The following ZNF536 variants were observed in gnomAD, a reference collection of about 807,000 sequenced individuals.
ZNF536 encodes zinc finger protein 536.
A neutral mutation model predicts 84.5 loss-of-function variants in ZNF536; 13 were observed. The ratio of observed to expected loss-of-function variants is 0.15; its 90% CI spans 0.10 to 0.24. The LOEUF (loss-of-function observed/expected upper bound fraction) is 0.24, where lower values mean the gene tolerates loss of function less well. Ranked by LOEUF, ZNF536 falls within the 10% of genes least tolerant of loss-of-function variation. The pLI is 1.00. For missense variants in ZNF536, 1,536 were observed against 1,747.5 expected (o/e 0.88, Z 2.16); for synonymous variants, 811 against 742.5 (o/e 1.09, Z -1.50).
intron 2 of ZNF536, among the ~76,000 whole-genome samples, chr19:30,484,486 T>G (rs914858916): frequency 3.3e-5 from 5 of 149,526 alleles, no homozygotes; most frequent in Admixed American, 3.3e-4. Flanking sequence ...TCTGCCCACC[T>G]TGGCCTCCCA....
At chr19:30,256,295 C>T (rs1599911112) in intron 1 of ZNF536, among the ~76,000 whole-genome samples, 1 of 152,274 alleles carries the variant, frequency 6.6e-6, no homozygotes, top group Admixed American at 6.5e-5. Context: ...ACGTCGTATG[C>T]GATTCCTCAT....
chr19:30,568,952 C>A (rs1032608674), intron 1 of ZNF536, among the ~76,000 whole-genome samples: 1 of 152,166 alleles, frequency 6.6e-6, no homozygotes, highest in Non-Finnish European at 1.5e-5. Context: ...CTCTCTGAGA[C>A]AATCCACCTA....
Position 30,434,190 on chromosome 19 carries a change from G to C in ZNF536, c.-2-9371G>C, listed in dbSNP as rs182286065. On this transcript the variant is annotated intron_variant, in intron 1 of 4. Coordinates refer to ENST00000355537, the MANE Select transcript of ZNF536 (RefSeq NM_014717.3). Reference sequence around the variant, plus strand: ...GAATAAGCCACCTGACTCTACAGGAGAATGTGGAATAATGTATCAGCCCTT... The same window carrying C: ...GAATAAGCCACCTGACTCTACAGGACAATGTGGAATAATGTATCAGCCCTT... Among the ~76,000 whole-genome samples, 11 of 152,346 alleles carry C rather than the reference G, an allele frequency of 7.2e-5. 1 individual carries two copies. The highest frequency in any genetic ancestry group is 5.2e-4 in the Admixed American group (8 of 15,302).
chr19:30,632,478 C>T lies in ZNF536; in HGVS notation c.170-78279C>T, dbSNP rs528851303. Among the ~76,000 whole-genome samples the T allele has an allele frequency of 2.1e-3, 316 of 152,168 alleles. 1 individual carries two copies. Among genetic ancestry groups the T allele is most frequent in the Non-Finnish European group, 3.1e-3 (210 of 67,994 alleles). On this transcript the variant is annotated intron_variant, in intron 1 of 1. Transcript: ENST00000592773. ...AAAATTAGCCAGGCATGGTGGCAGG[C>T]GCCTGTAATCCCAGCTACTCAGGAG...
At chr19:30,671,576 G>C (rs1348740559) in intron 1 of ZNF536, among the ~76,000 whole-genome samples, 3 of 152,112 alleles carry the variant, frequency 2.0e-5, no homozygotes, top group Admixed American at 1.3e-4. Context: ...AGGGGTGGAG[G>C]CCCCAGGTGC....
intron 2 of ZNF536, among the ~76,000 whole-genome samples, chr19:30,331,834 C>T (rs1049240642): frequency 2.6e-5 from 4 of 152,142 alleles, no homozygotes; most frequent in African/African-American, 4.8e-5. Context: ...TCCTCCCTGT[C>T]CCCTGCAGGG....
At chr19:30,226,397 C>CTT (rs576558345), upstream of ZNF536, among the ~76,000 whole-genome samples, 15 of 147,154 alleles carry the variant, frequency 1.0e-4, no homozygotes, top group Middle Eastern at 3.6e-3. This position sits in a 1 kb window ranked among gnomAD's most constrained non-coding sequence, Gnocchi z 4.6. Context: ...AATTTGCAAC[C>CTT]TTTTTTTTTT....
chr19:30,364,753 A>C (rs984465985), intron 3 of ZNF536, among the ~76,000 whole-genome samples: 2 of 152,336 alleles, frequency 1.3e-5, no homozygotes, highest in African/African-American at 4.8e-5. Flanking sequence ...GGTAACAGCA[A>C]AAAGTGATGA....
Position 30,246,578 on chromosome 19 carries a change from G to A in ZNF536, c.-190+17905G>A, listed in dbSNP as rs553381269. ...GCCTTGCCAGCTACACACTGCCCCC[G>A]TCCCCACCCCACAAGAGGTCTGGCA... On this transcript the variant is annotated intron_variant, in intron 1 of 5. Transcript: ENST00000585628. Among the ~76,000 whole-genome samples the A allele has an allele frequency of 1.3e-4, 20 of 152,128 alleles. No homozygotes were observed. In the South Asian group the frequency reaches 3.7e-3, roughly 28 times the overall value.
Position 30,680,017 on chromosome 19 carries a change from G to A in ZNF536, c.170-30740G>A, listed in dbSNP as rs73927155. Reference sequence around the variant, plus strand: ...CTGGGAAAAACCCAGGCCAGGGGAGGGAGGGAGGGGTAAGGGACACTGGAC... The same window carrying A: ...CTGGGAAAAACCCAGGCCAGGGGAGAGAGGGAGGGGTAAGGGACACTGGAC... On this transcript the variant is annotated intron_variant, in intron 1 of 1. Transcript: ENST00000592773. Among the ~76,000 whole-genome samples, 719 of 152,208 alleles carry A rather than the reference G, an allele frequency of 4.7e-3. 7 individuals carry two copies. Among genetic ancestry groups the A allele is most frequent in the African/African-American group, 0.017 (699 of 41,548 alleles).
upstream of ZNF536, among the ~76,000 whole-genome samples, chr19:30,369,414 G>A (rs189503402): frequency 7.2e-5 from 11 of 152,236 alleles, no homozygotes; most frequent in East Asian, 5.8e-4. Flanking sequence ...CACAGGGCTC[G>A]GATTTTCTTT....
At chr19:30,696,223 C>T (rs144426578) in intron 1 of ZNF536, among the ~76,000 whole-genome samples, 16 of 152,266 alleles carry the variant, frequency 1.1e-4, no homozygotes, top group Non-Finnish European at 2.2e-4. Context: ...TCTCCCCCAG[C>T]CCCCGCAATG....
At chr19:30,403,521 G>A (rs532097091) in intron 1 of ZNF536, among the ~76,000 whole-genome samples, 1 of 152,320 alleles carries the variant, frequency 6.6e-6, no homozygotes, top group East Asian at 1.9e-4. Context: ...AGAATTTGAA[G>A]TCTACAGGGG....
Position 30,534,938 on chromosome 19 carries a change from G to A in ZNF536, c.2262G>A (p.Pro754=), listed in dbSNP as rs114150736. 354 of 1,613,856 alleles carry A rather than the reference G, an allele frequency of 2.2e-4. 2 individuals are homozygous for A. In the African/African-American group the frequency reaches 3.9e-3, roughly 18 times the overall value. ...RSLGSAMKDC[P]YCGKTFRTSH... ...TGGGCTCGGCCATGAAGGACTGCCC[G>A]TACTGTGGGAAAACTTTCCGGACAT... The change falls in exon 3 of 5, where the codon CCG becomes CCA. Residue 754 remains proline, a synonymous_variant. Coordinates refer to ENST00000355537, the MANE Select transcript of ZNF536 (RefSeq NM_014717.3).
intron 2 of ZNF536, among the ~76,000 whole-genome samples, chr19:30,452,342 G>C (rs2052644725): frequency 6.6e-6 from 1 of 152,228 alleles, no homozygotes; most frequent in African/African-American, 2.4e-5. Flanking sequence ...TTGAAGCTTT[G>C]TGTCCTGTTC....
At chr19:30,637,258 A>T (rs1244346677) in intron 1 of ZNF536, among the ~76,000 whole-genome samples, 1 of 152,170 alleles carries the variant, frequency 6.6e-6, no homozygotes, top group African/African-American at 2.4e-5. Flanking sequence ...AACCCACCCT[A>T]AGAACAGTCT....
At chr19:30,244,982 G>A (rs1005458445) in intron 1 of ZNF536, among the ~76,000 whole-genome samples, 2 of 152,176 alleles carry the variant, frequency 1.3e-5, no homozygotes, top group Non-Finnish European at 1.5e-5. Context: ...ACAGGCTTAA[G>A]TCAATGGATG....
chr19:30,305,716 A>T (rs1411363519), intron 2 of ZNF536, among the ~76,000 whole-genome samples: 1 of 152,178 alleles, frequency 6.6e-6, no homozygotes, highest in African/African-American at 2.4e-5. Flanking sequence ...TTGGGAGCCC[A>T]CTGTTCAACA....
intron 1 of ZNF536, among the ~76,000 whole-genome samples, chr19:30,659,922 A>G (rs1312291808): frequency 2.6e-5 from 4 of 151,158 alleles, no homozygotes; most frequent in Admixed American, 6.6e-5. Flanking sequence ...GATTATGTTC[A>G]GTCTTTGCTC....
Sources: gnomAD v4.1 joint callset for allele counts (sites outside exome capture counted in the v4.1 genomes callset) on GRCh38, gnomAD v4.1.1 for gene constraint, Gnocchi (gnomAD v3.1) non-coding constraint, MANE v1.5 for transcripts, NCBI Gene and HGNC (gene_info 2026-07-23, HGNC 2026-07-21) for gene names.